Variants in PCDH9 observed in about 807,000 individuals in gnomAD.
The protein encoded by PCDH9 is protocadherin 9.
In PCDH9, 24 loss-of-function variants were observed where a neutral mutation model predicts 70.6. That is an observed-to-expected ratio of 0.34 (90% CI 0.25 to 0.48). The LOEUF is 0.48. Ranked by LOEUF, PCDH9 falls within the 20% of genes least tolerant of loss-of-function variation. PCDH9 has a pLI of 0.99. For synonymous variants in PCDH9, 562 were observed against 558.5 expected, an observed-to-expected ratio of 1.01 and a Z score of -0.09; for missense variants, 1,281 against 1,503.6, an observed-to-expected ratio of 0.85 and a Z score of 2.45.
chr13:67,089,460 A>G (rs978563285), intron 2 of PCDH9, among the ~76,000 whole-genome samples: 12 of 152,004 alleles, frequency 7.9e-5, no homozygotes, highest in Non-Finnish European at 1.5e-4. Flanking sequence ...ATTCATTCTT[A>G]TTGGACATGT....
At chr13:66,557,931 C>T (rs1043909629) in intron 4 of PCDH9, among the ~76,000 whole-genome samples, 5 of 152,188 alleles carry the variant, frequency 3.3e-5, no homozygotes, top group South Asian at 2.1e-4. Context: ...ACTGGAGGAT[C>T]GCTTCAGGCC....
chr13:66,536,975 T>A (rs905153481), intron 4 of PCDH9, among the ~76,000 whole-genome samples: 2 of 152,144 alleles, frequency 1.3e-5, no homozygotes, highest in Admixed American at 6.6e-5. Context: ...TTCTTTGAAA[T>A]CCCTTGGGGG....
intron 3 of PCDH9, among the ~76,000 whole-genome samples, chr13:66,847,554 C>T (rs1178226897): frequency 6.6e-6 from 1 of 152,070 alleles, no homozygotes; most frequent in African/African-American, 2.4e-5. Flanking sequence ...TTCATTCTTA[C>T]AGATCTTAGC....
intron 4 of PCDH9, among the ~76,000 whole-genome samples, chr13:66,549,174 T>C (rs1043169769): frequency 2.0e-5 from 3 of 152,132 alleles, no homozygotes; most frequent in Non-Finnish European, 4.4e-5. Context: ...TACATGTGTA[T>C]ATATAAATCA....
intron 4 of PCDH9, among the ~76,000 whole-genome samples, chr13:66,582,514 TC>T: frequency 6.6e-6 from 1 of 152,146 alleles, no homozygotes; most frequent in South Asian, 2.1e-4. Context: ...ACACCTGTAG[TC>T]CCAGCTACTT....
At chr13:67,061,666 C>T (rs1295270369) in intron 2 of PCDH9, among the ~76,000 whole-genome samples, 1 of 151,944 alleles carries the variant, frequency 6.6e-6, no homozygotes, top group Non-Finnish European at 1.5e-5. Flanking sequence ...TTTCTCATTC[C>T]CCTTCATGTC....
At chr13:66,650,080 A>G (rs2077829364) in intron 3 of PCDH9, among the ~76,000 whole-genome samples, 1 of 151,978 alleles carries the variant, frequency 6.6e-6, no homozygotes, top group African/African-American at 2.4e-5. Context: ...AAGAAAGAAG[A>G]GAAGGCCACA....
chr13:66,722,684 T>C (rs1593953323), intron 3 of PCDH9, among the ~76,000 whole-genome samples: 1 of 152,112 alleles, frequency 6.6e-6, no homozygotes. Flanking sequence ...TAAACACCTA[T>C]GTGCCGGGCG....
At chr13:67,140,945 C>A (rs533689496) in intron 2 of PCDH9, among the ~76,000 whole-genome samples, 2 of 152,042 alleles carry the variant, frequency 1.3e-5, no homozygotes, top group East Asian at 3.9e-4. Flanking sequence ...CTTTCTTTTG[C>A]TTTTTCCCCC....
At chr13:67,092,796 A>G (rs183286008) in intron 2 of PCDH9, among the ~76,000 whole-genome samples, 2 of 152,298 alleles carry the variant, frequency 1.3e-5, no homozygotes, top group Admixed American at 1.3e-4. Context: ...GAGTTTTATA[A>G]CATCGTTAGG....
intron 4 of PCDH9, among the ~76,000 whole-genome samples, chr13:66,390,733 C>CAA (rs34323423): frequency 3.7e-3 from 511 of 137,910 alleles, no homozygotes; most frequent in Non-Finnish European, 4.5e-3. Flanking sequence ...GGAGTCATCT[C>CAA]AAAAAAAAAA....
At chr13:66,891,460 G>C (rs991443402) in intron 3 of PCDH9, among the ~76,000 whole-genome samples, 25 of 151,972 alleles carry the variant, frequency 1.6e-4, no homozygotes, top group African/African-American at 5.8e-4. Context: ...AAAAATGCAT[G>C]CCTACAAATT....
At chr13:66,482,466 AC>A (rs1566360235) in intron 4 of PCDH9, among the ~76,000 whole-genome samples, 1 of 152,192 alleles carries the variant, frequency 6.6e-6, no homozygotes, top group Admixed American at 6.5e-5. Context: ...GGGTCACTCT[AC>A]CACCCTTAGC....
At chr13:67,036,394 G>C (rs921326178) in intron 2 of PCDH9, among the ~76,000 whole-genome samples, 3 of 152,012 alleles carry the variant, frequency 2.0e-5, no homozygotes, top group Non-Finnish European at 4.4e-5. Context: ...TCTTTGATAA[G>C]TCAACACTGC....
At chr13:66,693,515 A>G (rs1351790601) in intron 3 of PCDH9, among the ~76,000 whole-genome samples, 1 of 152,204 alleles carries the variant, frequency 6.6e-6, no homozygotes, top group African/African-American at 2.4e-5. Flanking sequence ...TCATGATTTT[A>G]TGAAATACAT....
At chr13:66,403,261 T>C (rs1245315046) in intron 4 of PCDH9, among the ~76,000 whole-genome samples, 3 of 151,482 alleles carry the variant, frequency 2.0e-5, no homozygotes, top group Non-Finnish European at 4.4e-5. Flanking sequence ...CACCTTAGCC[T>C]CCCGAGTAGC....
chr13:66,922,420 C>T (rs925781424), intron 2 of PCDH9, among the ~76,000 whole-genome samples: 4 of 151,356 alleles, frequency 2.6e-5, no homozygotes, highest in Non-Finnish European at 5.9e-5. Flanking sequence ...CTGTAGTACA[C>T]TTTGCTTCCA....
chr13:66,984,115 A>G (rs2139780453), intron 2 of PCDH9, among the ~76,000 whole-genome samples: 1 of 152,210 alleles, frequency 6.6e-6, no homozygotes, highest in East Asian at 1.9e-4. Context: ...AACATTCACA[A>G]TTTTATGAAA....
intron 3 of PCDH9, among the ~76,000 whole-genome samples, chr13:66,764,585 G>A (rs1263237673): frequency 1.3e-5 from 2 of 152,022 alleles, no homozygotes; most frequent in Non-Finnish European, 2.9e-5. Flanking sequence ...GCTTTAAATT[G>A]TCTGGTTTCT....
Sources: allele counts gnomAD v4.1 joint callset (sites outside exome capture counted in the v4.1 genomes callset), GRCh38; gene constraint gnomAD v4.1.1; transcripts MANE v1.5; gene names NCBI Gene and HGNC (gene_info 2026-07-23, HGNC 2026-07-21).